Variants in PRKAR1B observed in about 807,000 individuals in gnomAD.
PRKAR1B encodes the protein cAMP-dependent protein kinase type I-beta regulatory subunit.
PRKAR1B carries 22 observed loss-of-function variants against 46.5 expected under a neutral mutation model. The observed-to-expected ratio is 0.47, with a 90% confidence interval of 0.34 to 0.68. PRKAR1B has a LOEUF of 0.68. Among genes scored for constraint, PRKAR1B ranks in the 30% least tolerant of loss-of-function variants. PRKAR1B has a pLI of 0.01. For synonymous variants in PRKAR1B, 259 were observed against 217.7 expected (o/e 1.19, Z -1.67); for missense variants, 445 against 535.6 (o/e 0.83, Z 1.67).
intron 7 of PRKAR1B, among the ~76,000 whole-genome samples, chr7:591,254 T>TGG (rs1365887415): frequency 6.6e-6 from 1 of 152,192 alleles, no homozygotes; most frequent in African/African-American, 2.4e-5. Flanking sequence ...GAGGCAGGGC[T>TGG]GGGAGCTGGC....
chr7:689,805 G>C (rs543612736), intron 2 of PRKAR1B, among the ~76,000 whole-genome samples: 2 of 151,720 alleles, frequency 1.3e-5, no homozygotes, highest in African/African-American at 2.4e-5. Flanking sequence ...TCAGCCTCTC[G>C]AGTAGCTGGG....
intron 2 of PRKAR1B, among the ~76,000 whole-genome samples, chr7:707,705 A>G (rs1482585998): frequency 6.6e-6 from 1 of 152,150 alleles, no homozygotes; most frequent in Non-Finnish European, 1.5e-5. Flanking sequence ...GGACACAGAC[A>G]CTGTCAGGGG....
chr7:664,452 G>A (rs561229455), intron 4 of PRKAR1B, among the ~76,000 whole-genome samples: 22 of 152,288 alleles, frequency 1.4e-4, no homozygotes, highest in African/African-American at 2.6e-4. Context: ...TCTGGGCCTC[G>A]GGTCCCCATC....
At chr7:588,678 AC>A in intron 7 of PRKAR1B, among the ~76,000 whole-genome samples, 1 of 122,452 alleles carries the variant, frequency 8.2e-6, no homozygotes, top group Admixed American at 7.9e-5. Context: ...AGTGGTGATG[AC>A]GATGATGGTG....
intron 4 of PRKAR1B, among the ~76,000 whole-genome samples, chr7:646,074 C>T (rs904950555): frequency 6.6e-6 from 1 of 152,096 alleles, no homozygotes; most frequent in Non-Finnish European, 1.5e-5. Context: ...GAGGCAGAGT[C>T]TTGCTCTGCC....
chr7:598,415 A>G (rs372779675), intron 6 of PRKAR1B, among the ~76,000 whole-genome samples: 29 of 55,122 alleles, frequency 5.3e-4, no homozygotes, highest in African/African-American at 1.5e-3. Context: ...AGCACCCTCC[A>G]CACTAAACAC....
intron 4 of PRKAR1B, among the ~76,000 whole-genome samples, chr7:624,077 C>G (rs1210270502): frequency 6.6e-6 from 1 of 152,198 alleles, no homozygotes; most frequent in Admixed American, 6.5e-5. Flanking sequence ...AATCAGAATC[C>G]ACTTTGGATG....
intron 2 of PRKAR1B, among the ~76,000 whole-genome samples, chr7:694,572 C>A (rs1211863123): frequency 6.6e-6 from 1 of 152,080 alleles, no homozygotes; most frequent in Non-Finnish European, 1.5e-5. Context: ...AAGCCTGTTT[C>A]AATGCCACCT....
intron 1 of PRKAR1B, among the ~76,000 whole-genome samples, chr7:713,414 C>T (rs900167776): frequency 2.0e-5 from 3 of 152,060 alleles, no homozygotes; most frequent in Non-Finnish European, 4.4e-5. Flanking sequence ...GCCTACTCAC[C>T]TGTCTCCCAC....
At chr7:564,671 G>A (rs554274894) in intron 9 of PRKAR1B, among the ~76,000 whole-genome samples, 30 of 152,292 alleles carry the variant, frequency 2.0e-4, no homozygotes, top group Middle Eastern at 3.4e-3. Context: ...TGCCCAGGGC[G>A]CCAGCACTGA....
intron 9 of PRKAR1B, among the ~76,000 whole-genome samples, chr7:562,645 T>G (rs896267367): frequency 2.0e-5 from 3 of 152,232 alleles, no homozygotes; most frequent in Admixed American, 6.5e-5. Context: ...TCCATCTGCC[T>G]GGTCACACCA....
intron 2 of PRKAR1B, among the ~76,000 whole-genome samples, chr7:700,712 G>T (rs1275624219): frequency 1.3e-5 from 2 of 151,846 alleles, no homozygotes; most frequent in African/African-American, 4.8e-5. Context: ...AACAGGAGGA[G>T]GAGTAGGAAG....
Position 726,892 on chromosome 7 carries a change from G to A in PRKAR1B, c.-23+318C>T, listed in dbSNP as rs1781320505. Reference sequence around the variant, plus strand: ...CTTGGAGGCCCTGCGGCGCGCGCTGGAGGAGCCAGGCCCTGCCGCCGACCC... The same window carrying A: ...CTTGGAGGCCCTGCGGCGCGCGCTGAAGGAGCCAGGCCCTGCCGCCGACCC... On this transcript the variant is annotated intron_variant, in intron 1 of 10. Transcript: ENST00000537384. 4 of 1,336,804 alleles carry A rather than the reference G, an allele frequency of 3.0e-6. No homozygotes were observed. The highest frequency in any genetic ancestry group is 3.8e-6 in the Non-Finnish European group (4 of 1,045,386). The allele number at this position is 1,336,804 out of a possible 1,614,324, so 82.8% of individuals were successfully genotyped here.
intron 9 of PRKAR1B, among the ~76,000 whole-genome samples, chr7:575,271 C>G (rs1473111601): frequency 6.6e-6 from 1 of 152,206 alleles, no homozygotes; most frequent in South Asian, 2.1e-4. Flanking sequence ...CACGGCTGTG[C>G]TGGCTGAGGC....
intron 2 of PRKAR1B, among the ~76,000 whole-genome samples, chr7:682,978 C>T (rs551395677): frequency 2.0e-5 from 3 of 152,146 alleles, no homozygotes; most frequent in Non-Finnish European, 4.4e-5. Context: ...GCTTTCCTGC[C>T]GGTCCTCTGA....
intron 2 of PRKAR1B, among the ~76,000 whole-genome samples, chr7:695,128 C>T (rs1375532610): frequency 2.0e-5 from 3 of 152,118 alleles, no homozygotes; most frequent in African/African-American, 7.2e-5. Context: ...CACATCCTCA[C>T]GCCATATAAA....
chr7:723,298 G>A (rs528714473), intron 1 of PRKAR1B, among the ~76,000 whole-genome samples: 32 of 152,308 alleles, frequency 2.1e-4, no homozygotes, highest in Middle Eastern at 3.4e-3. Flanking sequence ...TCTGTTGGGC[G>A]TCCCCTTTCC....
At chr7:612,967 C>T (rs919689791) in intron 4 of PRKAR1B, among the ~76,000 whole-genome samples, 5 of 152,164 alleles carry the variant, frequency 3.3e-5, no homozygotes, top group African/African-American at 9.7e-5. Context: ...GAAGCACTGT[C>T]AGCAATACAG....
intron 9 of PRKAR1B, among the ~76,000 whole-genome samples, chr7:577,106 T>C (rs1379291030): frequency 4.6e-5 from 7 of 151,454 alleles, no homozygotes; most frequent in Non-Finnish European, 7.4e-5. Flanking sequence ...ATCAACGGCC[T>C]CGTCCAACGC....
Sources: gnomAD v4.1 joint callset for allele counts (sites outside exome capture counted in the v4.1 genomes callset) on GRCh38, gnomAD v4.1.1 for gene constraint, MANE v1.5 for transcripts, NCBI Gene and HGNC (gene_info 2026-07-23, HGNC 2026-07-21) for gene names.